COPA: variants seen among roughly 807,000 people sequenced by gnomAD.
The protein encoded by COPA is coatomer subunit alpha.
A neutral mutation model predicts 158.7 loss-of-function variants in COPA; 10 were observed. The ratio of observed to expected loss-of-function variants is 0.06; its 90% confidence interval spans 0.04 to 0.11. The LOEUF is 0.11. Among genes scored for constraint, COPA ranks in the 10% least tolerant of loss-of-function variants. COPA has a pLI of 1.00. For missense variants in COPA, 1,065 were observed against 1,536.7 expected, an observed-to-expected ratio of 0.69 and a Z score of 5.13; for synonymous variants, 462 against 542.8, an observed-to-expected ratio of 0.85 and a Z score of 2.07.
At chr1:160,311,402 C>T (rs760860011) in intron 11 of COPA, among the ~76,000 whole-genome samples, 3 of 150,872 alleles carry the variant, frequency 2.0e-5, no homozygotes, top group East Asian at 3.9e-4. Context: ...TGCATCACTG[C>T]GCTCCAGCCT....
At chr1:160,317,639 T>C (rs1659190734) in intron 8 of COPA, 1 of 1,535,338 alleles carries the variant, frequency 6.5e-7, no homozygotes, top group African/African-American at 1.4e-5. Flanking sequence ...CCAAAAGAAC[T>C]GGGAATGGAG....
intron 21 of COPA, 102 bp downstream of exon 21, chr1:160,297,241 C>T: frequency 9.5e-7 from 1 of 1,048,592 alleles, no homozygotes; most frequent in East Asian, 2.4e-5. Flanking sequence ...AAAAAATGCA[C>T]AATAAAGAGA....
intron 17 of COPA, chr1:160,305,212 T>C (rs1233518505): frequency 2.1e-6 from 1 of 477,682 alleles, no homozygotes; most frequent in African/African-American, 1.9e-5. Context: ...ATAACTTATT[T>C]GTTATTCTAT....
chr1:160,290,463 T>C (rs774514020), intron 32 of COPA, 29 bp downstream of exon 32: 2 of 1,603,934 alleles, frequency 1.2e-6, no homozygotes, highest in African/African-American at 2.7e-5. Context: ...CTCAATATCC[T>C]AGATATATTT....
rs1647977439 is a variant in COPA at position 160,340,258 on chromosome 1, G to C, written c.77C>G (p.Thr26Ser). ...SFHPKRPWILTSLHNGVIQLW... is the reference protein window; with the variant it reads ...SFHPKRPWILSSLHNGVIQLW... Reference sequence around the variant, plus strand: ...CTGGATGACCCCATTATGTAAACTAGTCAGGATCCAAGGTCTTTTGGGGTG... The same window carrying C: ...CTGGATGACCCCATTATGTAAACTACTCAGGATCCAAGGTCTTTTGGGGTG... Residue 26 changes from threonine to serine, a missense_variant, in exon 2 of 33, where the codon ACT becomes AGT. By Grantham distance (58) the Thr-to-Ser change is moderately conservative (BLOSUM62 1). Transcript: ENST00000241704. 2 of 1,613,500 alleles carry C rather than the reference G, an allele frequency of 1.2e-6. No individual in the cohort carries two copies. Among genetic ancestry groups the C allele is most frequent in the African/African-American group, 2.7e-5 (2 of 74,888 alleles).
chr1:160,305,261 C>T, intron 17 of COPA, 172 bp downstream of exon 17: 1 of 552,816 alleles, frequency 1.8e-6, no homozygotes, highest in Non-Finnish European at 3.1e-6. Flanking sequence ...TTTTAGATTT[C>T]TCAATTTTAA....
At chr1:160,330,636 T>C (rs1647466876) in intron 6 of COPA, among the ~76,000 whole-genome samples, 1 of 152,210 alleles carries the variant, frequency 6.6e-6, no homozygotes, top group Non-Finnish European at 1.5e-5. Flanking sequence ...AATTTTCAGC[T>C]TGCTGTTCAT....
At chr1:160,317,221 G>GT (rs1488039471) in intron 8 of COPA, among the ~76,000 whole-genome samples, 1 of 152,196 alleles carries the variant, frequency 6.6e-6, no homozygotes, top group East Asian at 1.9e-4. Flanking sequence ...CCATCTTACA[G>GT]TAAGTGTTAA....
intron 10 of COPA, 56 bp from the exon 11 acceptor site, chr1:160,312,074 G>A: frequency 6.4e-7 from 1 of 1,569,222 alleles, no homozygotes; most frequent in Non-Finnish European, 8.7e-7. Flanking sequence ...AAAAAAACCT[G>A]GAAATTGGAG....
intron 31 of COPA, among the ~76,000 whole-genome samples, chr1:160,291,111 G>C (rs1218817645): frequency 6.6e-6 from 1 of 152,164 alleles, no homozygotes; most frequent in African/African-American, 2.4e-5. Flanking sequence ...AGCTATTCTA[G>C]GTTGCACGGC....
At chr1:160,324,418 T>G (rs1659428140) in intron 7 of COPA, among the ~76,000 whole-genome samples, 1 of 149,096 alleles carries the variant, frequency 6.7e-6, no homozygotes, top group African/African-American at 2.5e-5. Context: ...TACCTCGGCC[T>G]CCCAAAGGAC....
intron 3 of COPA, 170 bp downstream of exon 3, chr1:160,339,739 G>T: frequency 1.7e-6 from 1 of 581,040 alleles, no homozygotes; most frequent in Non-Finnish European, 3.0e-6. Context: ...ACAGTGTCTG[G>T]TACACAGTAA....
chr1:160,331,046 T>C (rs1215211621), intron 6 of COPA, among the ~76,000 whole-genome samples: 3 of 150,338 alleles, frequency 2.0e-5, no homozygotes, highest in South Asian at 2.1e-4. Flanking sequence ...TGGTGGCACA[T>C]GGCAAAAATA....
Position 160,291,990 on chromosome 1 carries a change from GACAGCGGCTAGACCC to G in COPA, c.3147+7_3147+21del, listed in dbSNP as rs775886836. On this transcript the variant is annotated splice_region_variant and intron_variant, in intron 29 of 32. Transcript: ENST00000241704. ...AGAATGTGGAAGTGCCCAGAACTGG[GACAGCGGCTAGACCC>G]TCCTACCTCTGCAATCTCTTGTTTA... The G allele has an allele frequency of 6.2e-7, 1 of 1,614,136 alleles. No homozygotes were observed. Among genetic ancestry groups the G allele is most frequent in the South Asian group, 1.1e-5 (1 of 91,080 alleles).
chr1:160,299,372 G>T, intron 17 of COPA, 108 bp from the exon 18 acceptor site: 1 of 1,064,864 alleles, frequency 9.4e-7, no homozygotes, highest in Non-Finnish European at 1.4e-6. Context: ...TTTGAACAAT[G>T]ATATAGATGG....
At chr1:160,292,421 G>A (rs1475615327) in intron 28 of COPA, 63 bp downstream of exon 28, 1 of 1,607,168 alleles carries the variant, frequency 6.2e-7, no homozygotes, top group Admixed American at 1.7e-5. Flanking sequence ...TGTCACTGAG[G>A]CTACCATCTG....
chr1:160,331,329 T>C (rs1272822440), intron 6 of COPA, among the ~76,000 whole-genome samples: 4 of 152,170 alleles, frequency 2.6e-5, no homozygotes, highest in Admixed American at 2.6e-4. Flanking sequence ...CTATAAATTA[T>C]TTAATTTCTA....
chr1:160,318,431 T>C (rs539993227), intron 8 of COPA, among the ~76,000 whole-genome samples: 5 of 139,140 alleles, frequency 3.6e-5, no homozygotes, highest in Admixed American at 1.5e-4. Context: ...TAAATGGACA[T>C]TGTCTGTACC....
chr1:160,335,224 G>A lies in COPA; in HGVS notation c.309+18C>T, dbSNP rs1458206436. ...AAACTAAGAATGCTCCAAAACTAGC[G>A]CCACCATGACTACTTACATGATGAA... On this transcript the variant is annotated intron_variant, in intron 4 of 32. Coordinates refer to ENST00000241704, the MANE Select transcript of COPA (RefSeq NM_004371.4). 8 of 1,590,670 alleles carry A rather than the reference G, an allele frequency of 5.0e-6. No individual in the cohort carries two copies. Among genetic ancestry groups the A allele is most frequent in the African/African-American group, 1.4e-5 (1 of 73,854 alleles).
Sources: allele counts gnomAD v4.1 joint callset (sites outside exome capture counted in the v4.1 genomes callset), GRCh38; gene constraint gnomAD v4.1.1; transcripts MANE v1.5; gene names NCBI Gene and HGNC (gene_info 2026-07-23, HGNC 2026-07-21).